The following NDUFA5 variants were observed in gnomAD, a reference collection of about 807,000 sequenced individuals.
NDUFA5 encodes the protein NADH dehydrogenase [ubiquinone] 1 alpha subcomplex subunit 5.
In NDUFA5, 11 loss-of-function variants were observed where a neutral mutation model predicts 19.8. The ratio of observed to expected loss-of-function variants is 0.56; its 90% CI spans 0.35 to 0.92. The LOEUF is 0.92. Among genes scored for constraint, NDUFA5 ranks in the 40% least tolerant of loss-of-function variants. The probability of loss-of-function intolerance (pLI) is 0.01; values close to 1 mark genes in which losing one functional copy is unlikely to be tolerated. For missense variants in NDUFA5, 109 were observed against 134.2 expected (o/e 0.81, Z 0.93); for synonymous variants, 47 against 46.8 (o/e 1.00, Z -0.01).
chr7:123,543,687 C>A (rs1270332708), intron 4 of NDUFA5, among the ~76,000 whole-genome samples: 1 of 151,990 alleles, frequency 6.6e-6, no homozygotes, highest in Non-Finnish European at 1.5e-5. Context: ...ACTTAATATG[C>A]CTTAAAACTT....
At chr7:123,563,238 T>A in the NDUFA5 span, among the ~76,000 whole-genome samples, 1 of 152,210 alleles carries the variant, frequency 6.6e-6, no homozygotes, top group African/African-American at 2.4e-5. Context: ...TCAACATGCC[T>A]CCCTCACTAA....
chr7:123,556,724 C>A (rs1798562034), intron 2 of NDUFA5: 1 of 394,204 alleles, frequency 2.5e-6, no homozygotes, highest in Admixed American at 3.5e-5. Context: ...GAAAAAGTGT[C>A]AAATGTGTCA....
At chr7:123,588,786 C>T in the NDUFA5 span, among the ~76,000 whole-genome samples, 2 of 151,240 alleles carry the variant, frequency 1.3e-5, no homozygotes, top group Non-Finnish European at 1.5e-5. Flanking sequence ...TTTTGTTTGT[C>T]TCAAGAGTTT....
rs191194877 is a variant in NDUFA5, at chr7:123,556,830, G to A, written c.66+574C>T. The A allele has an allele frequency of 3.7e-4, 190 of 507,220 alleles. 2 individuals carry two copies. Among genetic ancestry groups the A allele is most frequent in the South Asian group, 1.9e-3 (134 of 68,900 alleles). 31.4% of individuals were successfully genotyped at this position (507,220 alleles called of 1,614,324 possible). A position where few individuals can be genotyped will look rare whatever the true frequency, so the allele number is the denominator to read the frequency against. ...AATTGGTGAACTTGAAAAACGCCAA[G>A]GGTGACTGAGTGCATTCAAGGGTGA... On this transcript the variant is annotated intron_variant, in intron 2 of 4. Coordinates refer to ENST00000355749, the MANE Select transcript of NDUFA5 (RefSeq NM_005000.5).
the NDUFA5 span, among the ~76,000 whole-genome samples, chr7:123,576,077 T>C: frequency 6.6e-6 from 1 of 151,330 alleles, no homozygotes; most frequent in Non-Finnish European, 1.5e-5. Flanking sequence ...CATATAAATA[T>C]ATAGATATAT....
chr7:123,548,639 A>G (rs1562894884), intron 3 of NDUFA5, among the ~76,000 whole-genome samples: 1 of 152,244 alleles, frequency 6.6e-6, no homozygotes, highest in East Asian at 1.9e-4. Context: ...AGGAAGCAAC[A>G]GGATCAGATT....
chr7:123,551,894 C>A (rs375808438), intron 2 of NDUFA5, among the ~76,000 whole-genome samples: 25 of 152,188 alleles, frequency 1.6e-4, no homozygotes, highest in East Asian at 1.5e-3. Flanking sequence ...TTTAAATTTT[C>A]ATCTTTCCTG....
At chr7:123,578,316 A>G in the NDUFA5 span, among the ~76,000 whole-genome samples, 1 of 151,678 alleles carries the variant, frequency 6.6e-6, no homozygotes, top group East Asian at 1.9e-4. Flanking sequence ...ATGTTGCTCA[A>G]AAATTACCAG....
At chr7:123,563,399 A>G in the NDUFA5 span, among the ~76,000 whole-genome samples, 1 of 152,182 alleles carries the variant, frequency 6.6e-6, no homozygotes, top group Non-Finnish European at 1.5e-5. Flanking sequence ...AGAAGGAGAG[A>G]GATGGGGAAC....
chr7:123,551,614 G>T, intron 2 of NDUFA5: 1 of 561,886 alleles, frequency 1.8e-6, no homozygotes, highest in Non-Finnish European at 2.3e-6. Flanking sequence ...ACATCTGTAT[G>T]ATCAAATTTA....
rs1170265226 is a variant in NDUFA5 at position 123,540,895 on chromosome 7, C to CGCGT, written c.*1223_*1224insACGC. On this transcript the variant is annotated 3_prime_UTR_variant, in exon 5 of 5. Transcript: ENST00000355749. The stretch of plus-strand genomic sequence containing the variant: ...GCAAATGTGCGCATGCGCGTGCACA[C>CGCGT]ACACACACACACACACACACACACA... 10 of 112,176 alleles carry CGCGT rather than the reference C, an allele frequency of 8.9e-5. No homozygotes were observed. Among genetic ancestry groups the CGCGT allele is most frequent in the African/African-American group, 3.2e-4 (10 of 31,588 alleles). The allele number at this position is 112,176 out of a possible 1,614,324, so 6.9% of individuals were successfully genotyped here. A position where few individuals can be genotyped will look rare whatever the true frequency, so the allele number is the denominator to read the frequency against.
chr7:123,548,039 T>A (rs1222823670), intron 3 of NDUFA5, among the ~76,000 whole-genome samples: 1 of 152,110 alleles, frequency 6.6e-6, no homozygotes, highest in African/African-American at 2.4e-5. Context: ...GATGAAAATC[T>A]TGGACAGGGA....
At chr7:123,556,855 A>C (rs1271762015) in intron 2 of NDUFA5, 2 of 512,338 alleles carry the variant, frequency 3.9e-6, no homozygotes, top group Admixed American at 4.0e-5. Flanking sequence ...TTCAAGGGTG[A>C]ATAAGAAAGA....
At chr7:123,568,465 G>A in the NDUFA5 span, among the ~76,000 whole-genome samples, 1 of 151,284 alleles carries the variant, frequency 6.6e-6, no homozygotes, top group Admixed American at 6.6e-5. Flanking sequence ...AGGTTGCAGT[G>A]AGCAGAGATC....
the NDUFA5 span, among the ~76,000 whole-genome samples, chr7:123,591,744 A>G: frequency 6.6e-6 from 1 of 152,158 alleles, no homozygotes; most frequent in Non-Finnish European, 1.5e-5. Context: ...CATCAGGGAT[A>G]TTGGCCTAAA....
At chr7:123,545,584 C>CACCT (rs1455298957) in intron 4 of NDUFA5, 27 bp downstream of exon 4, 2 of 1,585,310 alleles carry the variant, frequency 1.3e-6, no homozygotes. Context: ...TGAAACCAAA[C>CACCT]ACCTAAATAG....
At chr7:123,594,254 T>C in the NDUFA5 span, among the ~76,000 whole-genome samples, 1 of 152,100 alleles carries the variant, frequency 6.6e-6, no homozygotes, top group African/African-American at 2.4e-5. Flanking sequence ...AAGTTTGTTA[T>C]TACCGACTTC....
chr7:123,546,863 T>G, intron 3 of NDUFA5: 1 of 471,638 alleles, frequency 2.1e-6, no homozygotes, highest in South Asian at 1.6e-5. Flanking sequence ...TTCTAGAAAC[T>G]GTGAGTGTTA....
the NDUFA5 span, among the ~76,000 whole-genome samples, chr7:123,587,893 A>C: frequency 6.6e-6 from 1 of 151,672 alleles, no homozygotes; most frequent in Non-Finnish European, 1.5e-5. Context: ...ATGCCACTTA[A>C]CCATGGTACA....
Sources: gnomAD v4.1 joint callset for allele counts (sites outside exome capture counted in the v4.1 genomes callset) on GRCh38, gnomAD v4.1.1 for gene constraint, MANE v1.5 for transcripts, NCBI Gene and HGNC (gene_info 2026-07-23, HGNC 2026-07-21) for gene names.